MAGI1: variants seen among roughly 807,000 people sequenced by gnomAD.
MAGI1 encodes the protein membrane-associated guanylate kinase, WW and PDZ domain-containing protein 1.
Under a neutral mutation model 139.9 loss-of-function variants are expected in MAGI1, and 58 were observed. The observed-to-expected ratio is 0.41, with a 90% CI of 0.34 to 0.52. The LOEUF is 0.52. MAGI1 is among the 20% of genes least tolerant of loss of function. The pLI is 0.12. For synonymous variants in MAGI1, 812 were observed against 737.9 expected, an observed-to-expected ratio of 1.10 and a Z score of -1.63; for missense variants, 1,874 against 1,901.6, an observed-to-expected ratio of 0.99 and a Z score of 0.27.
chr3:65,408,763 AG>A (rs1559530655), intron 12 of MAGI1, among the ~76,000 whole-genome samples: 1 of 152,228 alleles, frequency 6.6e-6, no homozygotes, highest in Non-Finnish European at 1.5e-5. Context: ...AAACAGGAAA[AG>A]GTACATTCAG....
chr3:65,809,344 C>G (rs1362771638), intron 1 of MAGI1, among the ~76,000 whole-genome samples: 3 of 152,056 alleles, frequency 2.0e-5, no homozygotes, highest in African/African-American at 7.2e-5. Flanking sequence ...CAAGGGGAAG[C>G]TGAAAAAGAA....
chr3:65,474,297 C>T (rs1422788709), intron 4 of MAGI1, among the ~76,000 whole-genome samples: 1 of 151,944 alleles, frequency 6.6e-6, no homozygotes, highest in Admixed American at 6.6e-5. Flanking sequence ...ATTTAATTTA[C>T]CAAAGATTTA....
At chr3:65,725,510 T>C (rs1488572456) in intron 1 of MAGI1, among the ~76,000 whole-genome samples, 2 of 152,312 alleles carry the variant, frequency 1.3e-5, no homozygotes, top group South Asian at 2.1e-4. Context: ...CAGTCTTCCA[T>C]TGTCTCAACT....
rs552525569 is a variant in MAGI1, at chr3:65,980,289, G to A, written c.313+57707C>T. ...AAAAATAAACAGGTAATGGCTGGGT[G>A]TGGTAGCTCACGCCTATAATCCCAG... is the stretch of plus-strand genomic sequence containing the variant. On this transcript the variant is annotated intron_variant, in intron 1 of 22. Coordinates refer to ENST00000402939, the MANE Select transcript of MAGI1 (RefSeq NM_001033057.2). Among the ~76,000 whole-genome samples the A allele has an allele frequency of 6.2e-4, 95 of 152,296 alleles. No individual in the cohort carries two copies. In the South Asian group the frequency reaches 0.018, roughly 28 times the overall value.
intron 1 of MAGI1, among the ~76,000 whole-genome samples, chr3:65,792,021 A>AT (rs948202128): frequency 6.6e-6 from 1 of 151,746 alleles, no homozygotes; most frequent in Non-Finnish European, 1.5e-5. Flanking sequence ...AAGTCTACGT[A>AT]TTTTTTTTCT....
chr3:65,893,261 A>G (rs1024861687), intron 1 of MAGI1, among the ~76,000 whole-genome samples: 1 of 151,808 alleles, frequency 6.6e-6, no homozygotes, highest in African/African-American at 2.4e-5. Flanking sequence ...AGGTTCCCAG[A>G]CATATACAAC....
chr3:65,636,094 G>A (rs940420228), intron 1 of MAGI1, among the ~76,000 whole-genome samples: 2 of 152,184 alleles, frequency 1.3e-5, no homozygotes, highest in Non-Finnish European at 1.5e-5. Flanking sequence ...AGAGTCACAA[G>A]TAATCGCCAT....
chr3:65,557,354 C>A (rs983525746), intron 2 of MAGI1, among the ~76,000 whole-genome samples: 1 of 152,200 alleles, frequency 6.6e-6, no homozygotes, highest in African/African-American at 2.4e-5. Context: ...AGCCTCCTGT[C>A]AACAGCCATG....
chr3:65,618,236 G>A (rs2083474762), intron 2 of MAGI1, among the ~76,000 whole-genome samples: 1 of 152,178 alleles, frequency 6.6e-6, no homozygotes, highest in Admixed American at 6.6e-5. Context: ...GACCAAAACT[G>A]GAGGAGGAGA....
intron 1 of MAGI1, among the ~76,000 whole-genome samples, chr3:65,882,997 A>C (rs1482455461): frequency 2.0e-5 from 3 of 152,064 alleles, no homozygotes; most frequent in African/African-American, 7.2e-5. Flanking sequence ...AGAAAGGACA[A>C]GTTGACCTCA....
chr3:65,819,778 G>A (rs369128196), intron 1 of MAGI1, among the ~76,000 whole-genome samples: 2 of 149,134 alleles, frequency 1.3e-5, no homozygotes, highest in South Asian at 4.3e-4. Context: ...TCAGGAGGCT[G>A]AGGCAGGAGA....
chr3:65,541,947 A>G (rs547759400), intron 2 of MAGI1, among the ~76,000 whole-genome samples: 10 of 152,308 alleles, frequency 6.6e-5, no homozygotes, highest in African/African-American at 2.4e-4. Flanking sequence ...AAAGAAATAA[A>G]GGGTATTCAA....
intron 1 of MAGI1, among the ~76,000 whole-genome samples, chr3:65,964,154 T>C (rs1355692665): frequency 1.3e-5 from 2 of 152,194 alleles, no homozygotes; most frequent in Admixed American, 6.5e-5. Flanking sequence ...TGCCCTGCCC[T>C]GTCTTTCAAT....
intron 1 of MAGI1, among the ~76,000 whole-genome samples, chr3:65,782,258 G>A (rs1368549749): frequency 6.6e-6 from 1 of 152,062 alleles, no homozygotes; most frequent in African/African-American, 2.4e-5. Flanking sequence ...ATAATCATAA[G>A]CATCTGTAAA....
chr3:65,648,321 G>GCA, intron 1 of MAGI1, among the ~76,000 whole-genome samples: 1 of 146,612 alleles, frequency 6.8e-6, no homozygotes, highest in Admixed American at 6.8e-5. Flanking sequence ...GTGTGTGCGC[G>GCA]TGCGCGTGCA....
intron 1 of MAGI1, among the ~76,000 whole-genome samples, chr3:65,709,652 T>C (rs1358621542): frequency 6.6e-6 from 1 of 152,214 alleles, no homozygotes; most frequent in African/African-American, 2.4e-5. Flanking sequence ...GGATCAGCCT[T>C]TCCATAACTT....
chr3:65,621,954 CA>C lies in MAGI1; in HGVS notation c.430+17del. 6.4e-7 allele frequency: 1 copy of C among 1,554,762 alleles called. No homozygotes were observed. The highest frequency in any genetic ancestry group is 1.1e-5 in the South Asian group (1 of 89,348). On this transcript the variant is annotated intron_variant, in intron 2 of 22. Coordinates refer to ENST00000402939, the MANE Select transcript of MAGI1 (RefSeq NM_001033057.2). ...ACACACACACACAGCAGTGAGATGC[CA>C]AAGTCCAACTACTTACAAGGCACAG...
intron 1 of MAGI1, among the ~76,000 whole-genome samples, chr3:65,648,779 G>C (rs922891656): frequency 6.6e-6 from 1 of 152,114 alleles, no homozygotes; most frequent in Non-Finnish European, 1.5e-5. Context: ...GAAGAATAAA[G>C]ATCAGCTTAC....
chr3:65,903,907 C>T (rs2108635053), intron 1 of MAGI1, among the ~76,000 whole-genome samples: 1 of 151,858 alleles, frequency 6.6e-6, no homozygotes, highest in East Asian at 1.9e-4. Flanking sequence ...TCTTGGGAGG[C>T]TGATGCAGGA....
Sources: gnomAD v4.1 joint callset for allele counts (sites outside exome capture counted in the v4.1 genomes callset) on GRCh38, gnomAD v4.1.1 for gene constraint, MANE v1.5 for transcripts, NCBI Gene and HGNC (gene_info 2026-07-23, HGNC 2026-07-21) for gene names.